The following RSF1 variants were observed in gnomAD, a reference collection of about 807,000 sequenced individuals.
RSF1 encodes HBV pX-associated protein 8.
In RSF1, 13 loss-of-function variants were observed where a neutral mutation model predicts 145.2. The ratio of observed to expected loss-of-function variants is 0.09; its 90% CI spans 0.06 to 0.14. The LOEUF (loss-of-function observed/expected upper bound fraction) is 0.14. Among genes scored for constraint, RSF1 ranks in the 10% least tolerant of loss-of-function variants. The pLI is 1.00. For missense variants in RSF1, 1,517 were observed against 1,718.2 expected (o/e 0.88, Z 2.07); for synonymous variants, 577 against 592.6 (o/e 0.97, Z 0.38).
At chr11:77,707,370 A>G (rs1052716740) in intron 5 of RSF1, among the ~76,000 whole-genome samples, 2 of 152,230 alleles carry the variant, frequency 1.3e-5, no homozygotes, top group African/African-American at 2.4e-5. Flanking sequence ...TAAAAATTCT[A>G]TGAAGCATAT....
At chr11:77,791,229 T>C (rs1430336684) in intron 1 of RSF1, among the ~76,000 whole-genome samples, 1 of 152,168 alleles carries the variant, frequency 6.6e-6, no homozygotes, top group Non-Finnish European at 1.5e-5. Flanking sequence ...CAACACCAAA[T>C]GGAAGTTGCC....
intron 3 of RSF1, among the ~76,000 whole-genome samples, chr11:77,744,304 C>T (rs900225922): frequency 1.3e-5 from 2 of 152,138 alleles, no homozygotes; most frequent in African/African-American, 2.4e-5. Flanking sequence ...GCTGGGATTA[C>T]AGGCGTGAGC....
intron 1 of RSF1, among the ~76,000 whole-genome samples, chr11:77,808,955 T>C (rs1948705793): frequency 6.6e-6 from 1 of 152,216 alleles, no homozygotes; most frequent in Non-Finnish European, 1.5e-5. Flanking sequence ...GTTCAGATCA[T>C]TGCTTAGAGT....
intron 9 of RSF1, among the ~76,000 whole-genome samples, chr11:77,687,823 T>G (rs1380081412): frequency 6.6e-6 from 1 of 152,162 alleles, no homozygotes; most frequent in African/African-American, 2.4e-5. Flanking sequence ...AAAATAAAAA[T>G]TTCTAAAAAT....
chr11:77,750,041 C>T (rs892232718), intron 2 of RSF1, among the ~76,000 whole-genome samples: 6 of 151,970 alleles, frequency 3.9e-5, no homozygotes, highest in East Asian at 3.9e-4. Flanking sequence ...GCCACATGCC[C>T]GGCCCATTTT....
At chr11:77,813,655 T>G in intron 1 of RSF1, 2 of 557,918 alleles carry the variant, frequency 3.6e-6, no homozygotes, top group Non-Finnish European at 3.3e-6. Context: ...ACGCGTGTTT[T>G]TCCGGTAACC....
intron 1 of RSF1, among the ~76,000 whole-genome samples, chr11:77,794,150 A>G (rs1948549172): frequency 6.6e-6 from 1 of 152,218 alleles, no homozygotes; most frequent in Non-Finnish European, 1.5e-5. Flanking sequence ...GAAAATCAAC[A>G]AACATGGATT....
intron 1 of RSF1, among the ~76,000 whole-genome samples, chr11:77,772,227 G>A (rs1246335345): frequency 6.6e-6 from 1 of 151,824 alleles, no homozygotes; most frequent in Non-Finnish European, 1.5e-5. Flanking sequence ...CTGGAGTGCA[G>A]TGGCACATCA....
intron 1 of RSF1, among the ~76,000 whole-genome samples, chr11:77,805,043 T>C (rs553451609): frequency 6.6e-6 from 1 of 152,356 alleles, no homozygotes; most frequent in East Asian, 1.9e-4. Context: ...TATTTCAAGT[T>C]ATTGGAAGTT....
intron 1 of RSF1, among the ~76,000 whole-genome samples, chr11:77,784,883 T>C (rs1340926625): frequency 6.6e-6 from 1 of 152,238 alleles, no homozygotes; most frequent in Non-Finnish European, 1.5e-5. Context: ...ACTGTTTGCA[T>C]ATACGACCTA....
chr11:77,834,603 T>C, the RSF1 span, among the ~76,000 whole-genome samples: 1 of 152,102 alleles, frequency 6.6e-6, no homozygotes, highest in Non-Finnish European at 1.5e-5. Flanking sequence ...TTGGTACATA[T>C]GGGTTTTCAC....
At chr11:77,710,481 G>T (rs1160833815) in intron 5 of RSF1, among the ~76,000 whole-genome samples, 2 of 152,096 alleles carry the variant, frequency 1.3e-5, no homozygotes, top group Non-Finnish European at 2.9e-5. Context: ...CAATTTATTT[G>T]TTCAGGACAC....
At chr11:77,759,367 C>T (rs1948147901) in intron 2 of RSF1, among the ~76,000 whole-genome samples, 1 of 152,000 alleles carries the variant, frequency 6.6e-6, no homozygotes, top group Non-Finnish European at 1.5e-5. Flanking sequence ...AAAATTTTAG[C>T]TTGGCATTGT....
At chr11:77,678,827 C>A (rs1458898243) in intron 11 of RSF1, among the ~76,000 whole-genome samples, 2 of 152,200 alleles carry the variant, frequency 1.3e-5, no homozygotes, top group African/African-American at 4.8e-5. Context: ...CTAGAAGGTG[C>A]CATCTATGAA....
chr11:77,694,859 T>C (rs1428729114), intron 7 of RSF1, among the ~76,000 whole-genome samples: 1 of 152,218 alleles, frequency 6.6e-6, no homozygotes, highest in Non-Finnish European at 1.5e-5. Context: ...AAGAGTACTA[T>C]ATTAGTCAGA....
upstream of RSF1, among the ~76,000 whole-genome samples, chr11:77,822,610 GTAT>G (rs1948969653): frequency 6.6e-6 from 1 of 151,976 alleles, no homozygotes; most frequent in Admixed American, 6.6e-5. Context: ...ATAAGGGTGT[GTAT>G]TATTCCCATT....
At chr11:77,705,006 C>T (rs1273150958) in intron 5 of RSF1, among the ~76,000 whole-genome samples, 2 of 152,160 alleles carry the variant, frequency 1.3e-5, no homozygotes, top group East Asian at 3.9e-4. Flanking sequence ...CCACCTTGGC[C>T]TCCCAAAATG....
At chr11:77,676,731 G>T in intron 13 of RSF1, 61 bp downstream of exon 13, 1 of 1,461,508 alleles carries the variant, frequency 6.8e-7, no homozygotes, top group Non-Finnish European at 9.4e-7. Context: ...AAGCCTCTCT[G>T]CTAGCCCAGT....
upstream of RSF1, chr11:77,820,837 A>ACTT: frequency 9.7e-7 from 1 of 1,034,664 alleles, no homozygotes; most frequent in Non-Finnish European, 1.4e-6. Flanking sequence ...TGCGGATCCC[A>ACTT]GCGTCTCAGG....
Sources: gnomAD v4.1 joint callset for allele counts (sites outside exome capture counted in the v4.1 genomes callset) on GRCh38, gnomAD v4.1.1 for gene constraint, MANE v1.5 for transcripts, NCBI Gene and HGNC (gene_info 2026-07-23, HGNC 2026-07-21) for gene names.